The following HS3ST3A1 variants were observed in gnomAD, a reference collection of about 807,000 sequenced individuals.
HS3ST3A1 encodes the protein heparan sulfate glucosamine 3-O-sulfotransferase 3A1.
In HS3ST3A1, 19 loss-of-function variants were observed where a neutral mutation model predicts 25.7. That is an observed-to-expected ratio of 0.74 (90% CI 0.52 to 1.08). HS3ST3A1 has a LOEUF of 1.08. Among genes scored for constraint, HS3ST3A1 ranks in the 50% least tolerant of loss-of-function variants. The probability of loss-of-function intolerance (pLI) is 0.00; values close to 1 mark genes in which losing one functional copy is unlikely to be tolerated. For missense variants in HS3ST3A1, 459 were observed against 594.3 expected (o/e 0.77, Z 2.37); for synonymous variants, 226 against 278.6 (o/e 0.81, Z 1.88).
In HS3ST3A1 at chr17:13,600,542, G is replaced by A. The variant is rs1232076022; in HGVS notation, c.588C>T (p.Leu196=). The A allele has an allele frequency of 1.9e-6, 3 of 1,598,572 alleles. No homozygotes were observed. The highest frequency in any genetic ancestry group is 1.3e-5 in the African/African-American group (1 of 74,394). The change falls in exon 1 of 2, where the codon CTC becomes CTT. Residue 196 remains leucine, a synonymous_variant. Transcript: ENST00000284110. ...CCCGCCCCGCTCACCGGTACCAGGC[G>A]AGGCCCTTGTCGTAGCTGCGGTCGA... ...HFFDRSYDKG[L]AWYRDLMPRT...
chr17:13,512,140 A>T (rs1047750258), intron 1 of HS3ST3A1, among the ~76,000 whole-genome samples: 2 of 151,966 alleles, frequency 1.3e-5, no homozygotes, highest in Non-Finnish European at 2.9e-5. Context: ...TCTACTAAAA[A>T]TACAAAAAAT....
At chr17:13,518,609 T>A (rs1341183192) in intron 1 of HS3ST3A1, among the ~76,000 whole-genome samples, 1 of 152,224 alleles carries the variant, frequency 6.6e-6, no homozygotes, top group Non-Finnish European at 1.5e-5. Flanking sequence ...AGTTTATCCA[T>A]GTGACTTGCT....
chr17:13,535,445 A>T (rs1013720090), intron 1 of HS3ST3A1, among the ~76,000 whole-genome samples: 1 of 152,204 alleles, frequency 6.6e-6, no homozygotes, highest in Non-Finnish European at 1.5e-5. Context: ...ACAGTATGAG[A>T]GCTAAAACAA....
intron 1 of HS3ST3A1, among the ~76,000 whole-genome samples, chr17:13,559,356 T>C (rs1033295848): frequency 6.6e-6 from 1 of 152,032 alleles, no homozygotes; most frequent in Non-Finnish European, 1.5e-5. Context: ...ATTCAGACAT[T>C]TATGTGTCCA....
At chr17:13,589,861 C>T (rs922441959) in intron 1 of HS3ST3A1, among the ~76,000 whole-genome samples, 4 of 152,132 alleles carry the variant, frequency 2.6e-5, no homozygotes, top group African/African-American at 9.7e-5. Flanking sequence ...CAGCTTAATC[C>T]AGTTCCCTTT....
intron 1 of HS3ST3A1, among the ~76,000 whole-genome samples, chr17:13,578,525 T>C (rs1736656272): frequency 7.1e-6 from 1 of 141,528 alleles, no homozygotes; most frequent in African/African-American, 2.7e-5. Flanking sequence ...ATCGTGCCAC[T>C]GCACTCCAGC....
chr17:13,511,841 ATC>A (rs1905870576), intron 1 of HS3ST3A1, among the ~76,000 whole-genome samples: 1 of 152,050 alleles, frequency 6.6e-6, no homozygotes, highest in African/African-American at 2.4e-5. Flanking sequence ...ATTAATTAGA[ATC>A]TATATTTTGT....
At chr17:13,600,392 G>T (rs1012732448) in intron 1 of HS3ST3A1, 139 bp downstream of exon 1, 4 of 1,376,222 alleles carry the variant, frequency 2.9e-6, no homozygotes, top group African/African-American at 1.5e-5. Context: ...GGAGAGGGAA[G>T]AAAGACCCTT....
intron 1 of HS3ST3A1, among the ~76,000 whole-genome samples, chr17:13,525,848 G>C (rs148786051): frequency 1.1e-3 from 165 of 152,264 alleles, no homozygotes; most frequent in Middle Eastern, 3.4e-3. Flanking sequence ...CAGAGGAAGG[G>C]AGAAGAGAAA....
chr17:13,578,574 A>C (rs1433996976), intron 1 of HS3ST3A1, among the ~76,000 whole-genome samples: 1 of 151,274 alleles, frequency 6.6e-6, no homozygotes, highest in Non-Finnish European at 1.5e-5. Context: ...AAAAAAAAAA[A>C]AAAAAAAAGT....
At chr17:13,537,117 G>A (rs967148818) in intron 1 of HS3ST3A1, among the ~76,000 whole-genome samples, 5 of 152,168 alleles carry the variant, frequency 3.3e-5, no homozygotes, top group Admixed American at 6.5e-5. Flanking sequence ...AGGGCACGTC[G>A]TGAGCCAATC....
intron 1 of HS3ST3A1, among the ~76,000 whole-genome samples, chr17:13,547,808 G>A (rs2142352558): frequency 6.6e-6 from 1 of 152,134 alleles, no homozygotes; most frequent in African/African-American, 2.4e-5. Flanking sequence ...TCTGATATGG[G>A]GCAGCCTTGT....
chr17:13,524,812 T>C (rs921408449), intron 1 of HS3ST3A1, among the ~76,000 whole-genome samples: 11 of 152,192 alleles, frequency 7.2e-5, no homozygotes, highest in Non-Finnish European at 2.9e-5. Context: ...TATAATTGTT[T>C]CCAAATAAAA....
intron 1 of HS3ST3A1, among the ~76,000 whole-genome samples, chr17:13,569,989 T>G (rs1317331481): frequency 6.6e-6 from 1 of 152,226 alleles, no homozygotes; most frequent in East Asian, 1.9e-4. Flanking sequence ...GGACTTCCCA[T>G]TAATCCCTCT....
At chr17:13,522,394 T>C (rs547164486) in intron 1 of HS3ST3A1, among the ~76,000 whole-genome samples, 7 of 152,326 alleles carry the variant, frequency 4.6e-5, no homozygotes, top group African/African-American at 1.7e-4. Flanking sequence ...TTTAATTTAA[T>C]ATGGTTTTCT....
At chr17:13,512,172 G>C (rs998511502) in intron 1 of HS3ST3A1, among the ~76,000 whole-genome samples, 3 of 151,900 alleles carry the variant, frequency 2.0e-5, no homozygotes, top group African/African-American at 7.3e-5. Flanking sequence ...GGTGGCGGGC[G>C]CCTGTAGTCC....
chr17:13,544,727 C>T (rs1465736121), intron 1 of HS3ST3A1, among the ~76,000 whole-genome samples: 1 of 149,388 alleles, frequency 6.7e-6, no homozygotes, highest in Non-Finnish European at 1.5e-5. Context: ...GTGGGATAAG[C>T]AAAGATCCAA....
At chr17:13,569,175 T>C (rs945328008) in intron 1 of HS3ST3A1, among the ~76,000 whole-genome samples, 36 of 152,128 alleles carry the variant, frequency 2.4e-4, no homozygotes, top group African/African-American at 8.0e-4. Flanking sequence ...CCAGGTCTTT[T>C]CTCCTGTTTA....
chr17:13,581,682 T>C (rs1908118725), intron 1 of HS3ST3A1, among the ~76,000 whole-genome samples: 1 of 152,210 alleles, frequency 6.6e-6, no homozygotes, highest in Non-Finnish European at 1.5e-5. Flanking sequence ...AGTTATGTTA[T>C]ATCAATGTTT....
Sources: allele counts gnomAD v4.1 joint callset (sites outside exome capture counted in the v4.1 genomes callset), GRCh38; gene constraint gnomAD v4.1.1; transcripts MANE v1.5; gene names NCBI Gene and HGNC (gene_info 2026-07-23, HGNC 2026-07-21).